Variants in PSMG1 observed in about 807,000 individuals in gnomAD.
PSMG1 encodes the protein Down syndrome critical region gene 2.
Under a neutral mutation model 37.2 loss-of-function variants are expected in PSMG1, and 23 were observed. That is an observed-to-expected ratio of 0.62 (90% confidence interval 0.44 to 0.88). PSMG1 has a LOEUF of 0.88. Ranked by LOEUF, PSMG1 falls within the 40% of genes least tolerant of loss-of-function variation. PSMG1 has a pLI of 0.00. For synonymous variants in PSMG1, 127 were observed against 128.0 expected, an observed-to-expected ratio of 0.99 and a Z score of 0.05; for missense variants, 340 against 344.2, an observed-to-expected ratio of 0.99 and a Z score of 0.10.
rs34294410 is a variant in PSMG1 at position 39,183,234 on chromosome 21, C to T, written c.134+18G>A. ...TTCCAGCTGCGGTGAGCGCGCTGCC[C>T]TTATCCCGGTGCCTCACCTCTTCCG... On this transcript the variant is annotated intron_variant, in intron 1 of 6. Coordinates refer to ENST00000331573, the MANE Select transcript of PSMG1 (RefSeq NM_003720.4). 6.4e-7 allele frequency: 1 copy of T among 1,567,116 alleles called. No homozygotes were observed.
intron 2 of PSMG1, among the ~76,000 whole-genome samples, chr21:39,180,751 T>C (rs1256356489): frequency 6.6e-6 from 1 of 152,232 alleles, no homozygotes; most frequent in East Asian, 1.9e-4. Context: ...AATGAGTCCA[T>C]AGTTACTTGC....
chr21:39,180,058 A>C, intron 3 of PSMG1, 72 bp from the exon 4 acceptor site: 1 of 1,457,822 alleles, frequency 6.9e-7, no homozygotes, highest in Non-Finnish European at 9.5e-7. Flanking sequence ...CATATATGTA[A>C]CATGTGAATG....
At chr21:39,183,157 G>A (rs571052800) in intron 1 of PSMG1, 95 bp downstream of exon 1, 367 of 1,378,182 alleles carry the variant, frequency 2.7e-4, no homozygotes, top group Middle Eastern at 1.4e-3. Flanking sequence ...CCACTCGGAA[G>A]ACCGCGGAGC....
At position 39,177,429 on chromosome 21, in the gene PSMG1, C is replaced by T; in HGVS notation, c.792+6G>A. ...AGCTATTAATTTAAATGAGTTAAAA[C>T]CTTACCTTAACCAAACCCTTCAAGC... On this transcript the variant is annotated splice_donor_region_variant and intron_variant, in intron 6 of 6. Transcript: ENST00000331573. 2 of 1,577,332 alleles carry T rather than the reference C, an allele frequency of 1.3e-6. No individual in the cohort carries two copies. Among genetic ancestry groups the T allele is most frequent in the South Asian group, 2.4e-5 (2 of 83,976 alleles).
intron 3 of PSMG1, 124 bp from the exon 4 acceptor site, chr21:39,180,110 A>T: frequency 8.1e-6 from 10 of 1,237,016 alleles, no homozygotes; most frequent in Non-Finnish European, 1.1e-5. Flanking sequence ...TCCACTATTG[A>T]CCTACTTATT....
chr21:39,183,403 C>A lies in PSMG1; in HGVS notation c.-18G>T, dbSNP rs1045477371. On this transcript the variant is annotated 5_prime_UTR_variant, in exon 1 of 7. Transcript: ENST00000331573. ...GCCGCCATAGCCGCCCCGTGACCGG[C>A]TGGACACAACTGCAGCGCCGCGGGA... 4 of 1,571,914 alleles carry A rather than the reference C, an allele frequency of 2.5e-6. No homozygotes were observed. Among genetic ancestry groups the A allele is most frequent in the South Asian group, 1.2e-5 (1 of 86,344 alleles).
intron 1 of PSMG1, 80 bp downstream of exon 1, chr21:39,183,172 G>A (rs1003425041): frequency 4.2e-5 from 60 of 1,422,616 alleles, no homozygotes; most frequent in Non-Finnish European, 5.1e-5. Flanking sequence ...CGGAGCCCCG[G>A]CCTTAGGCGC....
intron 6 of PSMG1, 45 bp from the exon 7 acceptor site, chr21:39,175,709 C>A: frequency 7.9e-7 from 1 of 1,260,764 alleles, no homozygotes; most frequent in South Asian, 1.2e-5. Flanking sequence ...CCCAGGGATT[C>A]AGGCAGAGGC....
rs201541917 is a variant in PSMG1 at position 39,177,597 on chromosome 21, G to C, written c.656-26C>G. ...CTATGAATACACAAGAAAAAAAAAC[G>C]ATGTAAGTTTTCTATTATGTTACTT... On this transcript the variant is annotated intron_variant, in intron 5 of 6. Transcript: ENST00000331573. The C allele has an allele frequency of 1.0e-4, 148 of 1,465,564 alleles. No homozygotes were observed. In the African/African-American group the frequency reaches 2.0e-3, roughly 20 times the overall value. The allele number at this position is 1,465,564 out of a possible 1,614,324, so 90.8% of individuals were successfully genotyped here. A position where few individuals can be genotyped will look rare whatever the true frequency, so the allele number is the denominator to read the frequency against.
At chr21:39,179,377 C>T (rs1047804601) in intron 4 of PSMG1, among the ~76,000 whole-genome samples, 2 of 152,056 alleles carry the variant, frequency 1.3e-5, no homozygotes, top group East Asian at 1.9e-4. Flanking sequence ...ACAGGTCTGC[C>T]GTCCAGAGAA....
chr21:39,183,427 G>T lies in PSMG1; in HGVS notation c.-42C>A. 2.0e-6 allele frequency: 3 copies of T among 1,535,504 alleles called. No individual in the cohort carries two copies. Among genetic ancestry groups the T allele is most frequent in the African/African-American group, 1.4e-5 (1 of 70,848 alleles). ...GCTGGACACAACTGCAGCGCCGCGG[G>T]ACCGCACGCCGGCTTGCGCGAGACC... On this transcript the variant is annotated 5_prime_UTR_variant, in exon 1 of 7. Transcript: ENST00000331573.
chr21:39,180,081 T>C (rs1489525228), intron 3 of PSMG1, 95 bp from the exon 4 acceptor site: 1 of 1,345,396 alleles, frequency 7.4e-7, no homozygotes, highest in Non-Finnish European at 1.0e-6. Flanking sequence ...AACACTTAGG[T>C]AATACTTATT....
At position 39,175,553 on chromosome 21, in the gene PSMG1, T is replaced by G. The variant is rs1364735728; in HGVS notation, c.*37A>C. On this transcript the variant is annotated 3_prime_UTR_variant, in exon 7 of 7. Transcript: ENST00000331573. ...GTGCAGGCTGCTCCCCTTAAAGGAATGGACAAGTAATATACACTACAAAAC... is the reference window on the plus strand; with the variant it reads ...GTGCAGGCTGCTCCCCTTAAAGGAAGGGACAAGTAATATACACTACAAAAC... 6.4e-7 allele frequency: 1 copy of G among 1,573,302 alleles called. No homozygotes were observed. The highest frequency in any genetic ancestry group is 2.3e-5 in the East Asian group (1 of 43,568).
chr21:39,183,205 C>A (rs2030934583), intron 1 of PSMG1, 47 bp downstream of exon 1: 3 of 1,506,734 alleles, frequency 2.0e-6, no homozygotes, highest in Non-Finnish European at 1.8e-6. Flanking sequence ...CAGGCCCGCG[C>A]ACCTTCCAGC....
intron 2 of PSMG1, 105 bp downstream of exon 2, chr21:39,181,667 G>A (rs2030831622): frequency 5.6e-6 from 4 of 714,422 alleles, no homozygotes; most frequent in Non-Finnish European, 8.6e-6. Context: ...TCACTCTACT[G>A]TGGCTTTTTA....
chr21:39,175,651 C>T lies in PSMG1; in HGVS notation c.806G>A (p.Ser269Asn). ...LKGLVKNIPQ[S>N]TEILKKLMTT... ...CATCAATTTCTTTAGTATCTCAGTG[C>T]TTTGGGGAATATTCTGAAAGGAGAG... Residue 269 changes from serine to asparagine, a missense_variant, in exon 7 of 7, where the codon AGC (serine) becomes AAC (asparagine). Coordinates refer to ENST00000331573, the MANE Select transcript of PSMG1 (RefSeq NM_003720.4). 1 of 1,584,124 alleles carries T rather than the reference C, an allele frequency of 6.3e-7. No homozygotes were observed. The highest frequency in any genetic ancestry group is 1.7e-5 in the Admixed American group (1 of 59,944).
In PSMG1 at chr21:39,175,156, A is replaced by C. The variant is rs1301519739; in HGVS notation, c.*434T>G. ...CTGTAGCTTTGAAAAATTTAACTAAAGTTGGGCACAGTGGCTCACACCTGT... is the reference window on the plus strand; with the variant it reads ...CTGTAGCTTTGAAAAATTTAACTAACGTTGGGCACAGTGGCTCACACCTGT... On this transcript the variant is annotated 3_prime_UTR_variant, in exon 7 of 7. Transcript: ENST00000331573. 1 of 152,266 alleles carries C rather than the reference A, an allele frequency of 6.6e-6. No individual in the cohort carries two copies. The allele number at this position is 152,266 out of a possible 1,614,324, so 9.4% of individuals were successfully genotyped here.
intron 5 of PSMG1, among the ~76,000 whole-genome samples, chr21:39,177,915 T>C (rs2030685857): frequency 6.6e-6 from 1 of 152,180 alleles, no homozygotes; most frequent in Non-Finnish European, 1.5e-5. Context: ...TAGCCACTTC[T>C]CATTCTAGTA....
intron 1 of PSMG1, among the ~76,000 whole-genome samples, chr21:39,182,413 G>A (rs540958711): frequency 2.7e-4 from 41 of 152,312 alleles, no homozygotes; most frequent in Non-Finnish European, 5.0e-4. Context: ...TGTAACCTGT[G>A]GACCCTGTTA....
Sources: allele counts gnomAD v4.1 joint callset (sites outside exome capture counted in the v4.1 genomes callset), GRCh38; gene constraint gnomAD v4.1.1; transcripts MANE v1.5; gene names NCBI Gene and HGNC (gene_info 2026-07-23, HGNC 2026-07-21).